The following MARCHF8 variants were observed in gnomAD, a reference collection of about 807,000 sequenced individuals.
MARCHF8 encodes the protein membrane associated ring-CH-type finger 8.
A neutral mutation model predicts 51.6 loss-of-function variants in MARCHF8; 40 were observed. The observed-to-expected ratio is 0.77, with a 90% CI of 0.60 to 1.01. The LOEUF is 1.01. MARCHF8 is among the 50% of genes least tolerant of loss of function. MARCHF8 has a pLI of 0.00. For synonymous variants in MARCHF8, 263 were observed against 280.3 expected (o/e 0.94, Z 0.62); for missense variants, 685 against 708.6 (o/e 0.97, Z 0.38).
chr10:45,551,758 AATC>A (rs2044197563), intron 1 of MARCHF8, among the ~76,000 whole-genome samples: 1 of 152,020 alleles, frequency 6.6e-6, no homozygotes, highest in Non-Finnish European at 1.5e-5. Context: ...TAGTCTCCAC[AATC>A]ATATGAACCA....
chr10:45,568,243 C>T (rs1178982433), intron 1 of MARCHF8, among the ~76,000 whole-genome samples: 1 of 152,150 alleles, frequency 6.6e-6, no homozygotes, highest in East Asian at 1.9e-4. Context: ...TCTTCCTTTC[C>T]AATCTGGATA....
intron 1 of MARCHF8, among the ~76,000 whole-genome samples, chr10:45,555,996 T>C (rs965175279): frequency 3.3e-5 from 5 of 152,100 alleles, no homozygotes; most frequent in African/African-American, 7.2e-5. Flanking sequence ...ATGATGAAAT[T>C]AGAATTGCAA....
chr10:45,580,897 G>A (rs1276478297), intron 1 of MARCHF8, among the ~76,000 whole-genome samples: 5 of 152,172 alleles, frequency 3.3e-5, no homozygotes, highest in Non-Finnish European at 5.9e-5. Flanking sequence ...TGCTGCCAGA[G>A]CTTAGCCCCT....
intron 1 of MARCHF8, among the ~76,000 whole-genome samples, chr10:45,563,882 A>G (rs899938313): frequency 2.0e-5 from 3 of 152,256 alleles, no homozygotes; most frequent in Admixed American, 2.0e-4. Context: ...AAGAATTACC[A>G]TATCAGAATA....
chr10:45,576,908 A>T (rs1317467789), intron 1 of MARCHF8, among the ~76,000 whole-genome samples: 1 of 151,680 alleles, frequency 6.6e-6, no homozygotes, highest in Non-Finnish European at 1.5e-5. Context: ...AGTGAGCTAC[A>T]ATTGCACCAC....
At chr10:45,488,471 G>T (rs545149883) in intron 3 of MARCHF8, among the ~76,000 whole-genome samples, 1 of 151,818 alleles carries the variant, frequency 6.6e-6, no homozygotes, top group East Asian at 1.9e-4. Flanking sequence ...GGCAACATCT[G>T]TTACAGGGAG....
At chr10:45,555,560 A>G (rs1393938152) in intron 1 of MARCHF8, among the ~76,000 whole-genome samples, 2 of 152,056 alleles carry the variant, frequency 1.3e-5, no homozygotes, top group Non-Finnish European at 2.9e-5. Context: ...CAACACAGTG[A>G]GATCCCATCT....
intron 3 of MARCHF8, among the ~76,000 whole-genome samples, chr10:45,467,134 T>G (rs987102038): frequency 1.3e-5 from 2 of 152,220 alleles, no homozygotes; most frequent in African/African-American, 4.8e-5. Context: ...TGGCATCCTC[T>G]GCCTACATTT....
In MARCHF8 at chr10:45,463,933, T is replaced by C; in HGVS notation, c.306A>G (p.Lys102=). The C allele has an allele frequency of 3.3e-6, 5 of 1,536,206 alleles. No homozygotes were observed. The highest frequency in any genetic ancestry group is 4.4e-6 in the Non-Finnish European group (5 of 1,146,918). Residue 102 remains lysine, a synonymous_variant, in exon 5 of 8, where the codon AAA becomes AAG. Transcript: ENST00000453424. ...HSSVQSAVVS[K]APHCQSSLTQ... is the part of the protein sequence containing the mutation. ...TCAGAGAACTCTGGCAGTGAGGAGC[T>C]TTCGAGACAACAGCAGACTGCACGG... is the stretch of plus-strand genomic sequence containing the variant.
chr10:45,566,623 A>AAC (rs2044367634), intron 1 of MARCHF8, among the ~76,000 whole-genome samples: 1 of 152,174 alleles, frequency 6.6e-6, no homozygotes, highest in Non-Finnish European at 1.5e-5. Context: ...TGACAGCTGA[A>AAC]TAGTAAGTAC....
chr10:45,527,679 C>T (rs534604196), intron 2 of MARCHF8, among the ~76,000 whole-genome samples: 3 of 152,198 alleles, frequency 2.0e-5, no homozygotes, highest in East Asian at 3.9e-4. Flanking sequence ...CAAATTCTAC[C>T]AGACATAGAA....
intron 1 of MARCHF8, among the ~76,000 whole-genome samples, chr10:45,590,945 G>A (rs34144887): frequency 0.062 from 9,421 of 152,244 alleles, 337 homozygotes; most frequent in Non-Finnish European, 0.066. Flanking sequence ...AACTGATGAC[G>A]TTCCACCATT....
chr10:45,593,222 GTATGGTTTCCCTCTTGTAACATTA>G (rs2044701022), intron 1 of MARCHF8, among the ~76,000 whole-genome samples: 1 of 149,140 alleles, frequency 6.7e-6, no homozygotes, highest in South Asian at 2.1e-4. Flanking sequence ...GTGTAAAAGA[GTATGGTTTCCCTCTTGTAACATTA>G]AACTTCAAGT....
chr10:45,490,908 C>A (rs552261997), intron 2 of MARCHF8, among the ~76,000 whole-genome samples: 2 of 151,924 alleles, frequency 1.3e-5, no homozygotes, highest in African/African-American at 4.8e-5. Flanking sequence ...TGACTAAATA[C>A]TTTTTGTGGA....
intron 1 of MARCHF8, among the ~76,000 whole-genome samples, chr10:45,584,821 T>C (rs1452780057): frequency 3.3e-5 from 5 of 152,190 alleles, no homozygotes; most frequent in Non-Finnish European, 7.4e-5. Context: ...CAACCTCCTA[T>C]TGCCGGCTTT....
intron 1 of MARCHF8, among the ~76,000 whole-genome samples, chr10:45,590,903 T>A (rs1041152107): frequency 6.6e-6 from 1 of 152,152 alleles, no homozygotes; most frequent in Admixed American, 6.5e-5. Flanking sequence ...CTGAAGCAAC[T>A]GAAGATCCAC....
chr10:45,537,837 GATTT>G (rs2043995364), upstream of MARCHF8, among the ~76,000 whole-genome samples: 1 of 152,102 alleles, frequency 6.6e-6, no homozygotes, highest in Admixed American at 6.5e-5. Context: ...TGGATTCAAT[GATTT>G]ATTTTTAGGA....
intron 1 of MARCHF8, among the ~76,000 whole-genome samples, chr10:45,589,276 G>T (rs909651350): frequency 6.6e-6 from 1 of 152,040 alleles, no homozygotes; most frequent in South Asian, 2.1e-4. Context: ...GCCAAGCTGT[G>T]GGATCCTCTG....
intron 2 of MARCHF8, among the ~76,000 whole-genome samples, chr10:45,502,459 C>CA (rs1029967039): frequency 3.9e-5 from 6 of 151,998 alleles, no homozygotes; most frequent in Non-Finnish European, 8.8e-5. Flanking sequence ...CCTATGCATT[C>CA]AAAAAACTGA....
Sources: allele counts gnomAD v4.1 joint callset (sites outside exome capture counted in the v4.1 genomes callset), GRCh38; gene constraint gnomAD v4.1.1; transcripts MANE v1.5; gene names NCBI Gene and HGNC (gene_info 2026-07-23, HGNC 2026-07-21).